NUP98: variants seen among roughly 807,000 people sequenced by gnomAD.
NUP98 encodes the protein nuclear pore complex protein Nup98-Nup96.
In NUP98, 26 loss-of-function variants were observed where a neutral mutation model predicts 191.9. The ratio of observed to expected loss-of-function variants is 0.14; its 90% CI spans 0.10 to 0.19. The LOEUF is 0.19. Among genes scored for constraint, NUP98 ranks in the 10% least tolerant of loss-of-function variants. The probability of loss-of-function intolerance (pLI) is 1.00; values close to 1 mark genes in which losing one functional copy is unlikely to be tolerated. For missense variants in NUP98, 1,941 were observed against 2,178.8 expected, an observed-to-expected ratio of 0.89 and a Z score of 2.17; for synonymous variants, 808 against 778.4, an observed-to-expected ratio of 1.04 and a Z score of -0.63.
At chr11:3,794,244 A>G (rs1446266575) in intron 1 of NUP98, among the ~76,000 whole-genome samples, 4 of 152,166 alleles carry the variant, frequency 2.6e-5, no homozygotes, top group Non-Finnish European at 4.4e-5. Context: ...CTTACGGTCA[A>G]TTTCAAACAA....
chr11:3,759,559 T>C (rs1228934006), intron 10 of NUP98, among the ~76,000 whole-genome samples: 1 of 152,004 alleles, frequency 6.6e-6, no homozygotes, highest in African/African-American at 2.4e-5. Flanking sequence ...ATCGAGATCA[T>C]GCCACTGCAC....
chr11:3,753,747 T>C (rs1293302175), intron 10 of NUP98, among the ~76,000 whole-genome samples: 1 of 35,048 alleles, frequency 2.9e-5, no homozygotes, highest in Non-Finnish European at 5.3e-5. Context: ...CCCGTCTCTA[T>C]AAAAATACAA....
chr11:3,713,630 G>A lies in NUP98; in HGVS notation c.2577+188C>T, dbSNP rs997639627. Among the ~76,000 whole-genome samples the A allele has an allele frequency of 2.0e-5, 3 of 152,122 alleles. No homozygotes were observed. In the East Asian group the frequency reaches 5.8e-4, roughly 29 times the overall value. On this transcript the variant is annotated intron_variant, in intron 19 of 32. Coordinates refer to ENST00000324932, the MANE Select transcript of NUP98 (RefSeq NM_016320.5). ...GCTACTTGGGAGGCGGAGGCAGAAG[G>A]ATTGCTTGAGCCCAGGAATTTGAGG...
intron 1 of NUP98, among the ~76,000 whole-genome samples, chr11:3,784,873 A>C (rs1589970213): frequency 6.6e-6 from 1 of 152,186 alleles, no homozygotes; most frequent in African/African-American, 2.4e-5. Flanking sequence ...GCGGTGGCTC[A>C]CACCTGTAAT....
intron 1 of NUP98, among the ~76,000 whole-genome samples, chr11:3,796,279 A>C (rs974570049): frequency 2.6e-5 from 4 of 152,222 alleles, no homozygotes; most frequent in Middle Eastern, 3.4e-3. Context: ...ACTACTACAA[A>C]CGGACTCCTA....
Position 3,686,015 on chromosome 11 carries a change from C to G in NUP98, c.4634G>C (p.Trp1545Ser). ...CAGGAGGACAAAGATGGCCCACTCC[C>G]AGAGCCCCTCACTTTCAAGCTGGCC... ...YAGQLESEGL[W>S]EWAIFVLLHI... The change falls in exon 29 of 33, where the codon TGG becomes TCG. Residue 1545 changes from tryptophan to serine, a missense_variant. Coordinates refer to ENST00000324932, the MANE Select transcript of NUP98 (RefSeq NM_016320.5). 7 of 1,614,190 alleles carry G rather than the reference C, an allele frequency of 4.3e-6. No individual in the cohort carries two copies. The highest frequency in any genetic ancestry group is 5.9e-6 in the Non-Finnish European group (7 of 1,180,056).
chr11:3,758,438 T>C (rs1366421233), intron 10 of NUP98, among the ~76,000 whole-genome samples: 4 of 151,818 alleles, frequency 2.6e-5, no homozygotes, highest in Admixed American at 1.3e-4. Flanking sequence ...ATAGAAAAGG[T>C]TGAGAAACGC....
At chr11:3,679,343 C>A in intron 31 of NUP98, 1 of 667,588 alleles carries the variant, frequency 1.5e-6, no homozygotes, top group Non-Finnish European at 2.7e-6. Flanking sequence ...ATTGCACATA[C>A]TAGTTGGTAA....
At position 3,735,271 on chromosome 11, in the gene NUP98, T is replaced by C. The variant is rs780631565; in HGVS notation, c.1462A>G (p.Ile488Val). The change falls in exon 13 of 33, where the codon ATC becomes GTC. Residue 488 changes from isoleucine to valine, a missense_variant. Coordinates refer to ENST00000324932, the MANE Select transcript of NUP98 (RefSeq NM_016320.5). ...AAAGGTGAGTATGTTAGACTATTGATGTGCTGCTGGAGAACAGCCTGCTGG... is the reference window on the plus strand; with the variant it reads ...AAAGGTGAGTATGTTAGACTATTGACGTGCTGCTGGAGAACAGCCTGCTGG... ...AAQQAVLQQHINSLTYSPFGD... is the reference protein window; with the variant it reads ...AAQQAVLQQHVNSLTYSPFGD... The C allele has an allele frequency of 5.6e-6, 9 of 1,593,122 alleles. No individual in the cohort carries two copies. In the Admixed American group the frequency reaches 1.3e-4, roughly 24 times the overall value.
At chr11:3,719,643 G>T in intron 17 of NUP98, 93 bp from the exon 18 acceptor site, 1 of 914,984 alleles carries the variant, frequency 1.1e-6, no homozygotes, top group Non-Finnish European at 1.5e-6. Flanking sequence ...CAAGGAGAAA[G>T]CAGTTTTAAG....
intron 8 of NUP98, 106 bp from the exon 9 acceptor site, chr11:3,763,145 A>T: frequency 1.0e-6 from 1 of 987,744 alleles, no homozygotes; most frequent in Non-Finnish European, 1.5e-6. Context: ...TATATGACAG[A>T]TATTAGGCTA....
At chr11:3,784,739 A>C (rs2082086057) in intron 1 of NUP98, among the ~76,000 whole-genome samples, 2 of 150,872 alleles carry the variant, frequency 1.3e-5, no homozygotes, top group South Asian at 4.2e-4. Context: ...GCAAGCAAAC[A>C]AACAAAAATA....
chr11:3,682,715 AAC>A (rs1006211019), intron 30 of NUP98, among the ~76,000 whole-genome samples: 2 of 152,246 alleles, frequency 1.3e-5, no homozygotes, highest in South Asian at 4.1e-4. Context: ...CAAAATGTGA[AAC>A]AGAGACAGAC....
intron 12 of NUP98, among the ~76,000 whole-genome samples, chr11:3,738,107 A>AAAAAAACAAAAAAAAACC (rs1554894745): frequency 3.4e-5 from 5 of 147,570 alleles, no homozygotes; most frequent in Non-Finnish European, 6.0e-5. Flanking sequence ...AAAAAAAAAA[A>AAAAAAACAAAAAAAAACC]CCAAAGACTT....
At position 3,773,691 on chromosome 11, in the gene NUP98, T is replaced by A; in HGVS notation, c.544A>T (p.Ile182Leu). 6.2e-7 allele frequency: 1 copy of A among 1,613,782 alleles called. No homozygotes were observed. Among genetic ancestry groups the A allele is most frequent in the Non-Finnish European group, 8.5e-7 (1 of 1,179,810 alleles). Residue 182 changes from isoleucine (I) to leucine (L), a missense_variant, in exon 6 of 33, where the codon ATA (isoleucine) becomes TTA (leucine). Ile to Leu is a conservative substitution (Grantham distance 5). This residue lies in a region of NUP98 where 28 missense variants were observed against 74.0 expected (regional missense o/e 0.38). Coordinates refer to ENST00000324932, the MANE Select transcript of NUP98 (RefSeq NM_016320.5). Reference protein sequence around the residue: ...TMVKAGVSTNISTKHQCITAM... With the variant: ...TMVKAGVSTNLSTKHQCITAM... ...GTAATACACTGGTGCTTGGTACTTA[T>A]GTTAGTGCTAACTCCAGCTTTGACC...
intron 9 of NUP98, among the ~76,000 whole-genome samples, chr11:3,761,030 C>T (rs1475637624): frequency 6.6e-6 from 1 of 152,140 alleles, no homozygotes; most frequent in Non-Finnish European, 1.5e-5. Flanking sequence ...ATGGATGTTC[C>T]TTGAAAATGC....
At chr11:3,791,053 G>A (rs1011604564) in intron 1 of NUP98, among the ~76,000 whole-genome samples, 4 of 151,844 alleles carry the variant, frequency 2.6e-5, no homozygotes, top group Non-Finnish European at 5.9e-5. Flanking sequence ...CCGCCACCAC[G>A]CCCAGCTAAT....
At chr11:3,725,597 A>G (rs2079585387) in intron 14 of NUP98, among the ~76,000 whole-genome samples, 4 of 152,214 alleles carry the variant, frequency 2.6e-5, no homozygotes, top group Admixed American at 2.6e-4. Flanking sequence ...TTGGCAGTAC[A>G]AACGTATGGC....
intron 17 of NUP98, 61 bp from the exon 18 acceptor site, chr11:3,719,611 A>G (rs2079317586): frequency 1.7e-6 from 2 of 1,212,076 alleles, no homozygotes; most frequent in African/African-American, 1.6e-5. Flanking sequence ...CCTACTTTAC[A>G]ACTATAGTGA....
Sources: allele counts gnomAD v4.1 joint callset (sites outside exome capture counted in the v4.1 genomes callset), GRCh38; gene constraint gnomAD v4.1.1; regional missense constraint gnomAD v4.1.1; transcripts MANE v1.5; gene names NCBI Gene and HGNC (gene_info 2026-07-23, HGNC 2026-07-21).